Variants in RGS12 observed in about 807,000 individuals in gnomAD.
The protein encoded by RGS12 is regulator of G protein signaling 12.
A neutral mutation model predicts 120.1 loss-of-function variants in RGS12; 66 were observed. That is an observed-to-expected ratio of 0.55 (90% confidence interval 0.45 to 0.67). The LOEUF (loss-of-function observed/expected upper bound fraction) is 0.67. Ranked by LOEUF, RGS12 falls within the 30% of genes least tolerant of loss-of-function variation. The pLI, the probability that RGS12 is intolerant of heterozygous loss-of-function variation, is 0.00. For synonymous variants in RGS12, 827 were observed against 804.7 expected, an observed-to-expected ratio of 1.03 and a Z score of -0.47; for missense variants, 1,859 against 1,957.7, an observed-to-expected ratio of 0.95 and a Z score of 0.95.
At chr4:3,369,204 AC>A (rs1716709624) in intron 3 of RGS12, among the ~76,000 whole-genome samples, 1 of 152,152 alleles carries the variant, frequency 6.6e-6, no homozygotes, top group Admixed American at 6.5e-5. Flanking sequence ...ACTCCCCCAC[AC>A]TTTTGTTACG....
chr4:3,364,308 G>A (rs1217993836), intron 3 of RGS12, among the ~76,000 whole-genome samples: 4 of 152,274 alleles, frequency 2.6e-5, no homozygotes, highest in East Asian at 3.9e-4. Context: ...TGGGGCCTCC[G>A]TGTCTGAGGG....
At chr4:3,336,260 G>T (rs549561128) in intron 2 of RGS12, among the ~76,000 whole-genome samples, 1 of 152,166 alleles carries the variant, frequency 6.6e-6, no homozygotes, top group Admixed American at 6.5e-5. Context: ...GGGTGGCAGC[G>T]GCTTCCCGAG....
chr4:3,350,912 C>T (rs988559658), intron 3 of RGS12, among the ~76,000 whole-genome samples: 2 of 152,050 alleles, frequency 1.3e-5, no homozygotes, highest in Non-Finnish European at 2.9e-5. Flanking sequence ...GATCTTATGG[C>T]TTTCATTTTA....
At chr4:3,414,988 C>A in intron 6 of RGS12, 144 bp downstream of exon 6, 5 of 313,786 alleles carry the variant, frequency 1.6e-5, no homozygotes, top group East Asian at 5.3e-5. Flanking sequence ...TGAGAGGTTG[C>A]GTGTGAGGGG....
intron 17 of RGS12, 140 bp from the exon 18 acceptor site, chr4:3,439,315 C>T (rs1725110028): frequency 1.8e-5 from 15 of 851,374 alleles, no homozygotes; most frequent in South Asian, 7.8e-5. Flanking sequence ...AGCGGGACGC[C>T]AGCTGCCTCT....
At chr4:3,296,942 C>T (rs566707331) in intron 1 of RGS12, among the ~76,000 whole-genome samples, 3 of 152,346 alleles carry the variant, frequency 2.0e-5, no homozygotes, top group Middle Eastern at 6.8e-3. Flanking sequence ...CCACACAGTG[C>T]TCATGCAGTT....
intron 1 of RGS12, among the ~76,000 whole-genome samples, chr4:3,313,477 CGTGACAAAGTGA>C (rs1239265555): frequency 6.6e-6 from 1 of 152,202 alleles, no homozygotes; most frequent in African/African-American, 2.4e-5. Context: ...TCCCCTCACC[CGTGACAAAGTGA>C]TTCCCCCTTG....
chr4:3,424,110 C>T (rs1415004305), intron 13 of RGS12, among the ~76,000 whole-genome samples: 3 of 152,342 alleles, frequency 2.0e-5, no homozygotes, highest in Admixed American at 1.3e-4. Flanking sequence ...CAGGCTGCGC[C>T]ATTATGATGT....
intron 4 of RGS12, among the ~76,000 whole-genome samples, chr4:3,409,520 G>A (rs981244020): frequency 1.3e-5 from 2 of 152,216 alleles, no homozygotes; most frequent in African/African-American, 4.8e-5. Flanking sequence ...ACACCAGTGT[G>A]GGAATGGGGA....
At chr4:3,438,415 T>C (rs568611846) in intron 17 of RGS12, among the ~76,000 whole-genome samples, 153 of 147,248 alleles carry the variant, frequency 1.0e-3, no homozygotes, top group Non-Finnish European at 1.9e-3. Context: ...ACCCCCACCG[T>C]ACAGATGGGG....
At chr4:3,291,229 G>T (rs191159152), upstream of RGS12, among the ~76,000 whole-genome samples, 12 of 152,342 alleles carry the variant, frequency 7.9e-5, no homozygotes, top group South Asian at 2.5e-3. Flanking sequence ...TGAGCTCTGC[G>T]GCCTGCTTCC....
At chr4:3,407,167 C>T (rs1342924458) in intron 4 of RGS12, among the ~76,000 whole-genome samples, 1 of 152,204 alleles carries the variant, frequency 6.6e-6, no homozygotes, top group African/African-American at 2.4e-5. Flanking sequence ...GGGGTTCCAT[C>T]TGCAGTGTTT....
At chr4:3,432,265 C>A in intron 17 of RGS12, 3 of 749,746 alleles carry the variant, frequency 4.0e-6, no homozygotes, top group Non-Finnish European at 4.9e-6. Flanking sequence ...AAATATCACA[C>A]ATTTTTAGGA....
chr4:3,341,928 T>C (rs1054889676), intron 2 of RGS12, among the ~76,000 whole-genome samples: 8 of 149,502 alleles, frequency 5.4e-5, no homozygotes, highest in Non-Finnish European at 1.0e-4. Context: ...GACTTTTCAG[T>C]TGAGGAGGAG....
At chr4:3,310,131 T>A (rs1724286750) in intron 1 of RGS12, among the ~76,000 whole-genome samples, 1 of 134,788 alleles carries the variant, frequency 7.4e-6, no homozygotes, top group East Asian at 2.2e-4. Flanking sequence ...GGAGAGGAGC[T>A]GGGGCCTGGG....
intron 3 of RGS12, among the ~76,000 whole-genome samples, chr4:3,350,342 A>G (rs946907593): frequency 1.3e-5 from 2 of 152,214 alleles, no homozygotes; most frequent in Non-Finnish European, 2.9e-5. Context: ...AGACACTTCT[A>G]TTTTTATTTT....
rs184774622 is a variant in RGS12 at position 3,333,194 on chromosome 4, C to T, written c.1882-9743C>T. 6.6e-3 allele frequency among the ~76,000 whole-genome samples: 1,005 copies of T among 152,278 alleles called. 7 individuals are homozygous for T. Among genetic ancestry groups the T allele is most frequent in the Non-Finnish European group, 0.012 (809 of 68,020 alleles). ...CCTCCCGCGTAGCTGGGATTACAGG[C>T]GCCTGCCACCTTGCCCGGCTAATTT... is the stretch of plus-strand genomic sequence containing the variant. On this transcript the variant is annotated intron_variant, in intron 2 of 17. Transcript: ENST00000336727.
intron 16 of RGS12, 89 bp downstream of exon 16, chr4:3,428,800 A>G (rs1180810237): frequency 8.5e-7 from 1 of 1,181,704 alleles, no homozygotes; most frequent in East Asian, 2.4e-5. Flanking sequence ...AGCTGTCAGC[A>G]TCTGGGTGAC....
chr4:3,340,675 A>G (rs911583328), intron 2 of RGS12, among the ~76,000 whole-genome samples: 1 of 152,210 alleles, frequency 6.6e-6, no homozygotes, highest in African/African-American at 2.4e-5. Flanking sequence ...GTTCCCTCCA[A>G]AGAGTGTCTT....
Sources: gnomAD v4.1 joint callset for allele counts (sites outside exome capture counted in the v4.1 genomes callset) on GRCh38, gnomAD v4.1.1 for gene constraint, MANE v1.5 for transcripts, NCBI Gene and HGNC (gene_info 2026-07-23, HGNC 2026-07-21) for gene names.